The following RAB4B variants were observed in gnomAD, a reference collection of about 807,000 sequenced individuals.
RAB4B encodes the protein RAB4B, member RAS oncogene family, also known as ras-related protein Rab-4B.
In RAB4B, 15 loss-of-function variants were observed where a neutral mutation model predicts 28.3. The ratio of observed to expected loss-of-function variants is 0.53; its 90% CI spans 0.35 to 0.82. The LOEUF is 0.82. Ranked by LOEUF, RAB4B falls within the 40% of genes least tolerant of loss-of-function variation. The pLI, the probability that RAB4B is intolerant of heterozygous loss-of-function variation, is 0.01. For synonymous variants in RAB4B, 108 were observed against 116.3 expected, an observed-to-expected ratio of 0.93 and a Z score of 0.46; for missense variants, 244 against 288.5, an observed-to-expected ratio of 0.85 and a Z score of 1.12.
At chr19:40,781,999 CGACA>C (rs1253651470) in intron 3 of RAB4B, among the ~76,000 whole-genome samples, 1 of 131,896 alleles carries the variant, frequency 7.6e-6, no homozygotes, top group Non-Finnish European at 1.5e-5. Context: ...CCAGCCTGGG[CGACA>C]GAGCTAGGCT....
At chr19:40,787,807 C>T (rs1050279616) in intron 7 of RAB4B, among the ~76,000 whole-genome samples, 4 of 151,448 alleles carry the variant, frequency 2.6e-5, no homozygotes, top group African/African-American at 7.3e-5. Context: ...ACTAAAAATA[C>T]AAAAATTAGC....
intron 7 of RAB4B, among the ~76,000 whole-genome samples, chr19:40,787,225 C>T (rs2083108781): frequency 6.6e-6 from 1 of 151,450 alleles, no homozygotes. Context: ...CACTTCCAGA[C>T]AGTGACAGCT....
chr19:40,789,294 C>A (rs776977660), intron 7 of RAB4B, among the ~76,000 whole-genome samples: 8 of 152,008 alleles, frequency 5.3e-5, no homozygotes, highest in Non-Finnish European at 8.8e-5. Context: ...CCTCTGCCTC[C>A]TAGGTTCAAG....
chr19:40,788,188 A>C (rs1377336085), intron 7 of RAB4B, among the ~76,000 whole-genome samples: 1 of 151,958 alleles, frequency 6.6e-6, no homozygotes, highest in Non-Finnish European at 1.5e-5. Flanking sequence ...TTTGGGGGAG[A>C]CAGGTGATAA....
At chr19:40,784,656 C>T (rs2083081584) in intron 5 of RAB4B, among the ~76,000 whole-genome samples, 1 of 152,168 alleles carries the variant, frequency 6.6e-6, no homozygotes, top group South Asian at 2.1e-4. Context: ...AAGTCCTTAG[C>T]ACCCGCCACA....
chr19:40,784,227 CA>C (rs1286743943), intron 5 of RAB4B, 152 bp downstream of exon 5: 21 of 1,132,666 alleles, frequency 1.9e-5, no homozygotes, highest in Non-Finnish European at 2.5e-5. Flanking sequence ...TGTAGTGGCT[CA>C]CACCTGTAAT....
At chr19:40,781,740 G>A (rs889663541) in intron 3 of RAB4B, among the ~76,000 whole-genome samples, 11 of 152,174 alleles carry the variant, frequency 7.2e-5, no homozygotes, top group Non-Finnish European at 1.0e-4. Flanking sequence ...CCTTAGGAGA[G>A]GCCGGGCGTG....
intron 7 of RAB4B, chr19:40,794,396 T>TA (rs2083189074): frequency 6.9e-6 from 1 of 145,406 alleles, no homozygotes; most frequent in South Asian, 2.3e-4. Flanking sequence ...TTTTTTTTTT[T>TA]AAATAATGTT....
chr19:40,782,634 G>A (rs959501315), intron 3 of RAB4B, among the ~76,000 whole-genome samples: 4 of 146,348 alleles, frequency 2.7e-5, no homozygotes, highest in African/African-American at 7.6e-5. Context: ...CCAACATGGC[G>A]AAACCCCATC....
In RAB4B at chr19:40,788,078, C is replaced by T. The variant is rs1013978553; in HGVS notation, c.*15+1100C>T. On this transcript the variant is annotated intron_variant, in intron 7 of 7. Transcript: ENST00000357052. ...GACCCTCCCATTCATAGTTCTCCAG[C>T]GATTTATTGAGCGCCTGCTGTGTGC... Among the ~76,000 whole-genome samples the T allele has an allele frequency of 1.3e-4, 20 of 151,814 alleles. No homozygotes were observed. The East Asian group carries it at 3.9e-3, about 29-fold the overall frequency.
intron 7 of RAB4B, among the ~76,000 whole-genome samples, chr19:40,794,338 G>C (rs2083188302): frequency 6.6e-6 from 1 of 152,028 alleles, no homozygotes; most frequent in African/African-American, 2.4e-5. Flanking sequence ...GCCTCCCAAA[G>C]TGTTGGGATT....
At chr19:40,796,227 C>T (rs1313973777) in intron 7 of RAB4B, 1 of 152,212 alleles carries the variant, frequency 6.6e-6, no homozygotes, top group Non-Finnish European at 1.5e-5. Flanking sequence ...TCTCAAACTC[C>T]TGGGCTCAAG....
At chr19:40,792,897 C>T (rs965868476) in intron 7 of RAB4B, among the ~76,000 whole-genome samples, 2 of 152,038 alleles carry the variant, frequency 1.3e-5, no homozygotes, top group African/African-American at 4.8e-5. Flanking sequence ...TCTCCTGCCT[C>T]AACCTCTGGA....
Position 40,778,255 on chromosome 19 carries a change from C to T in RAB4B, c.-121C>T, listed in dbSNP as rs999143832. ...CGGAGGGGGGCGGAGGCGGAAGTGG[C>T]GGTGCCGGGCCCGGGGAGTAGGAAG... is the stretch of plus-strand genomic sequence containing the variant. On this transcript the variant is annotated 5_prime_UTR_variant, in exon 1 of 8. Transcript: ENST00000357052. 3 of 919,952 alleles carry T rather than the reference C, an allele frequency of 3.3e-6. No homozygotes were observed. Among genetic ancestry groups the T allele is most frequent in the South Asian group, 1.8e-5 (1 of 55,734 alleles). 57.0% of individuals were successfully genotyped at this position (919,952 alleles called of 1,614,324 possible). A position where few individuals can be genotyped will look rare whatever the true frequency, so the allele number is the denominator to read the frequency against.
In RAB4B at chr19:40,778,310, C is replaced by G. The variant is rs1313192465; in HGVS notation, c.-66C>G. The G allele has an allele frequency of 1.4e-6, 2 of 1,457,702 alleles. No individual in the cohort carries two copies. Among genetic ancestry groups the G allele is most frequent in the Admixed American group, 4.8e-5 (2 of 41,264 alleles). The allele number at this position is 1,457,702 out of a possible 1,614,324, so 90.3% of individuals were successfully genotyped here. ...CGGGGCTGTAGCCGGAGTGGAGCGG[C>G]TGCCAGCCGAGGAGCAGGCGCGGCC... On this transcript the variant is annotated 5_prime_UTR_variant, in exon 1 of 8. Transcript: ENST00000357052.
chr19:40,786,316 C>T (rs1002825650), intron 5 of RAB4B: 10 of 344,314 alleles, frequency 2.9e-5, no homozygotes, highest in African/African-American at 2.0e-4. Flanking sequence ...GGGATGGGGA[C>T]CCAGGCAGAG....
chr19:40,781,407 G>T (rs1360643172), intron 3 of RAB4B, among the ~76,000 whole-genome samples: 1 of 152,112 alleles, frequency 6.6e-6, no homozygotes, highest in Non-Finnish European at 1.5e-5. Context: ...GGGTGAGTCA[G>T]ACAGGTGTAG....
intron 5 of RAB4B, 36 bp downstream of exon 5, chr19:40,784,111 G>A (rs902824838): frequency 3.2e-6 from 5 of 1,578,000 alleles, no homozygotes; most frequent in Middle Eastern, 1.7e-4. Flanking sequence ...GGTGGTGGGG[G>A]TGGACAGTCC....
chr19:40,780,193 A>G (rs1041322958), intron 2 of RAB4B, 94 bp downstream of exon 2: 4 of 1,556,634 alleles, frequency 2.6e-6, no homozygotes, highest in Non-Finnish European at 3.5e-6. Context: ...AGGGCTGGCC[A>G]TAGGTACAAG....
Sources: allele counts gnomAD v4.1 joint callset (sites outside exome capture counted in the v4.1 genomes callset), GRCh38; gene constraint gnomAD v4.1.1; transcripts MANE v1.5; gene names NCBI Gene and HGNC (gene_info 2026-07-23, HGNC 2026-07-21).